Variants in TMPRSS11F observed in about 807,000 individuals in gnomAD.
TMPRSS11F encodes transmembrane protease serine 11F.
TMPRSS11F carries 47 observed loss-of-function variants against 60.2 expected under a neutral mutation model. That is an observed-to-expected ratio of 0.78 (90% CI 0.62 to 1.00). The LOEUF (loss-of-function observed/expected upper bound fraction) is 1.00, where lower values mean the gene tolerates loss of function less well. Ranked by LOEUF, TMPRSS11F falls within the 50% of genes least tolerant of loss-of-function variation. TMPRSS11F has a pLI of 0.00. For synonymous variants in TMPRSS11F, 166 were observed against 167.3 expected (o/e 0.99, Z 0.06); for missense variants, 519 against 522.9 (o/e 0.99, Z 0.07).
At chr4:68,070,912 A>G (rs1357909657) in intron 5 of TMPRSS11F, among the ~76,000 whole-genome samples, 1 of 152,216 alleles carries the variant, frequency 6.6e-6, no homozygotes, top group East Asian at 1.9e-4. Flanking sequence ...GAAAACATAC[A>G]CAGTTAAATC....
At chr4:68,061,663 A>G (rs1338464079) in intron 8 of TMPRSS11F, among the ~76,000 whole-genome samples, 1 of 152,224 alleles carries the variant, frequency 6.6e-6, no homozygotes, top group Non-Finnish European at 1.5e-5. Flanking sequence ...TTGTAAAAAA[A>G]AATGTATTTT....
intron 1 of TMPRSS11F, among the ~76,000 whole-genome samples, chr4:68,125,130 G>GTTT (rs1485145040): frequency 1.3e-5 from 2 of 151,146 alleles, no homozygotes; most frequent in South Asian, 2.1e-4. Context: ...GTATTCAATG[G>GTTT]TTTTTTTAAC....
intron 1 of TMPRSS11F, among the ~76,000 whole-genome samples, chr4:68,106,665 G>A (rs1296308161): frequency 6.6e-6 from 1 of 152,158 alleles, no homozygotes; most frequent in African/African-American, 2.4e-5. Context: ...GAAATGACTG[G>A]TTTGACAAAA....
At chr4:68,087,584 A>G (rs1389017987) in intron 3 of TMPRSS11F, among the ~76,000 whole-genome samples, 3 of 114,976 alleles carry the variant, frequency 2.6e-5, no homozygotes, top group Non-Finnish European at 5.4e-5. Flanking sequence ...TATCTTCACA[A>G]ATGATACAAT....
intron 9 of TMPRSS11F, among the ~76,000 whole-genome samples, chr4:68,056,893 G>A (rs1723058925): frequency 6.6e-6 from 1 of 152,156 alleles, no homozygotes; most frequent in African/African-American, 2.4e-5. Flanking sequence ...TATATTTATG[G>A]TCAATTGATT....
Position 68,059,416 on chromosome 4 carries a change from A to C in TMPRSS11F, c.1068T>G (p.Asp356Glu). 6.2e-7 allele frequency: 1 copy of C among 1,613,974 alleles called. No individual in the cohort carries two copies. Among genetic ancestry groups the C allele is most frequent in the Non-Finnish European group, 8.5e-7 (1 of 1,179,972 alleles). Residue 356 changes from aspartate (D) to glutamate (E), a missense_variant, in exon 9 of 10, where the codon GAT (aspartate) becomes GAG (glutamate). Asp to Glu is a conservative substitution (Grantham distance 45). Coordinates refer to ENST00000356291, the MANE Select transcript of TMPRSS11F (RefSeq NM_207407.2). ...CATACACATCCTTTCTGTTACACAC[A>C]TCAGTGCTTATGGTTTCCACTCTGG... ...RQARVETISTDVCNRKDVYDG... is the reference protein window; with the variant it reads ...RQARVETISTEVCNRKDVYDG...
intron 1 of TMPRSS11F, among the ~76,000 whole-genome samples, chr4:68,119,787 T>C (rs1724588013): frequency 6.6e-6 from 1 of 152,074 alleles, no homozygotes; most frequent in South Asian, 2.1e-4. Flanking sequence ...CTAATGGGAG[T>C]CTATTCTGCA....
intron 1 of TMPRSS11F, among the ~76,000 whole-genome samples, chr4:68,114,718 C>A (rs147248498): frequency 2.0e-5 from 3 of 148,314 alleles, no homozygotes; most frequent in African/African-American, 2.5e-5. Flanking sequence ...CCAAAGGGAA[C>A]TGGAAAAAAA....
At chr4:68,072,935 T>C (rs553807236) in intron 4 of TMPRSS11F, among the ~76,000 whole-genome samples, 1 of 152,328 alleles carries the variant, frequency 6.6e-6, no homozygotes, top group Non-Finnish European at 1.5e-5. Context: ...CTCCTGAGCA[T>C]AGAGGTAGAT....
chr4:68,120,356 A>G lies in TMPRSS11F; in HGVS notation c.11+9454T>C, dbSNP rs1259802048. 2.0e-5 allele frequency among the ~76,000 whole-genome samples: 3 copies of G among 151,454 alleles called. No individual in the cohort carries two copies. The East Asian group carries it at 5.8e-4, about 29-fold the overall frequency. On this transcript the variant is annotated intron_variant, in intron 1 of 9. Transcript: ENST00000356291. ...TCTGAGTAAAATGCTATCAAACAGC[A>G]TCACATGCTACAGAGAAATCTTTTT... is the stretch of plus-strand genomic sequence containing the variant.
intron 8 of TMPRSS11F, chr4:68,062,082 G>A (rs1042769414): frequency 1.1e-5 from 5 of 450,698 alleles, no homozygotes; most frequent in Non-Finnish European, 2.2e-5. Context: ...TTACGATAGG[G>A]TTGGAGGACT....
At chr4:68,072,812 A>G (rs1211894660) in intron 4 of TMPRSS11F, among the ~76,000 whole-genome samples, 5 of 152,114 alleles carry the variant, frequency 3.3e-5, no homozygotes, top group African/African-American at 9.7e-5. Flanking sequence ...ATACATACTT[A>G]AAAGGCTTGC....
intron 1 of TMPRSS11F, among the ~76,000 whole-genome samples, chr4:68,112,727 A>G (rs1383176844): frequency 6.6e-6 from 1 of 152,184 alleles, no homozygotes; most frequent in Non-Finnish European, 1.5e-5. Flanking sequence ...AGTGTCTAGC[A>G]CAGTACCTGA....
At chr4:68,071,018 T>G (rs193262889) in intron 5 of TMPRSS11F, among the ~76,000 whole-genome samples, 1 of 152,102 alleles carries the variant, frequency 6.6e-6, no homozygotes, top group Non-Finnish European at 1.5e-5. Context: ...ATGCCAAAAT[T>G]TTTTAATAAA....
intron 1 of TMPRSS11F, among the ~76,000 whole-genome samples, chr4:68,125,778 A>G (rs763936562): frequency 1.3e-5 from 2 of 152,170 alleles, no homozygotes; most frequent in African/African-American, 2.4e-5. Context: ...ACTGGTTTCC[A>G]TGCTGTCTTC....
At chr4:68,120,374 A>ATTTTT (rs1560412778) in intron 1 of TMPRSS11F, among the ~76,000 whole-genome samples, 1 of 122,032 alleles carries the variant, frequency 8.2e-6, no homozygotes, top group African/African-American at 3.2e-5. Context: ...CTACAGAGAA[A>ATTTTT]TCTTTTTTTT....
intron 3 of TMPRSS11F, among the ~76,000 whole-genome samples, chr4:68,089,741 G>A (rs901293932): frequency 1.3e-5 from 2 of 152,072 alleles, no homozygotes; most frequent in African/African-American, 4.8e-5. Context: ...AGTACAGTGA[G>A]GGAGAATGGG....
At chr4:68,063,748 A>G (rs141186194) in intron 8 of TMPRSS11F, among the ~76,000 whole-genome samples, 244 of 152,242 alleles carry the variant, frequency 1.6e-3, no homozygotes, top group African/African-American at 5.7e-3. Context: ...AATTTATACA[A>G]TTACTAGACT....
chr4:68,090,432 A>G (rs528999639), intron 3 of TMPRSS11F, 91 bp downstream of exon 3: 2 of 1,452,334 alleles, frequency 1.4e-6, no homozygotes, highest in Admixed American at 5.2e-5. Context: ...ATGCAAAAGA[A>G]GAAATTGAGA....
Sources: allele counts gnomAD v4.1 joint callset (sites outside exome capture counted in the v4.1 genomes callset), GRCh38; gene constraint gnomAD v4.1.1; transcripts MANE v1.5; gene names NCBI Gene and HGNC (gene_info 2026-07-23, HGNC 2026-07-21).